The following DCLK3 variants were observed in gnomAD, a reference collection of about 807,000 sequenced individuals.
The protein encoded by DCLK3 is doublecortin like kinase 3, also known as serine/threonine-protein kinase DCLK3.
Under a neutral mutation model 46.4 loss-of-function variants are expected in DCLK3, and 30 were observed. The ratio of observed to expected loss-of-function variants is 0.65; its 90% confidence interval spans 0.48 to 0.88. DCLK3 has a LOEUF of 0.88. DCLK3 is among the 40% of genes least tolerant of loss of function. DCLK3 has a pLI of 0.00. For missense variants in DCLK3, 846 were observed against 907.1 expected (o/e 0.93, Z 0.87); for synonymous variants, 401 against 339.2 (o/e 1.18, Z -2.00).
chr3:36,716,382 C>T (rs184179860), intron 4 of DCLK3, among the ~76,000 whole-genome samples: 51 of 152,348 alleles, frequency 3.3e-4, no homozygotes, highest in South Asian at 2.1e-3. Flanking sequence ...GTCCAGCCAC[C>T]TCCTGAGCAC....
chr3:36,746,385 C>T (rs1041551768), intron 1 of DCLK3, among the ~76,000 whole-genome samples: 1 of 152,190 alleles, frequency 6.6e-6, no homozygotes, highest in Non-Finnish European at 1.5e-5. Flanking sequence ...ATGAGTTTTA[C>T]GTACTGCATC....
chr3:36,734,590 TC>T lies in DCLK3; in HGVS notation c.1959+2617del, dbSNP rs549868493. Among the ~76,000 whole-genome samples the T allele has an allele frequency of 1.3e-4, 20 of 152,150 alleles. 1 individual carries two copies. Among genetic ancestry groups the T allele is most frequent in the Middle Eastern group, 3.4e-3 (1 of 294 alleles). ...ATACACATATATATATGGACTTTCT[TC>T]AAAATCACAAAAAAGAAAGGGTCTA... On this transcript the variant is annotated intron_variant, in intron 2 of 4. Coordinates refer to ENST00000636136, the MANE Select transcript of DCLK3 (RefSeq NM_001394672.2).
chr3:36,760,602 T>G (rs987588604), intron 1 of DCLK3, among the ~76,000 whole-genome samples: 2 of 151,878 alleles, frequency 1.3e-5, no homozygotes, highest in African/African-American at 4.8e-5. Flanking sequence ...GTTGTGCACA[T>G]GTACCCTAAA....
At chr3:36,718,657 C>A (rs987099067) in intron 3 of DCLK3, among the ~76,000 whole-genome samples, 2 of 152,212 alleles carry the variant, frequency 1.3e-5, no homozygotes, top group Non-Finnish European at 2.9e-5. Flanking sequence ...AAACTTGACC[C>A]TTCACTGGAG....
chr3:36,712,525 A>T lies in DCLK3; in HGVS notation c.*2803T>A, dbSNP rs910255507. On this transcript the variant is annotated 3_prime_UTR_variant, in exon 5 of 5. Coordinates refer to ENST00000636136, the MANE Select transcript of DCLK3 (RefSeq NM_001394672.2). ...TTGACATATATACCCCCATAAATCC[A>T]TTATTACATTCAAGAAAATGAACAC... 1 of 152,180 alleles carries T rather than the reference A, an allele frequency of 6.6e-6. No homozygotes were observed. The highest frequency in any genetic ancestry group is 2.4e-5 in the African/African-American group (1 of 41,452). 9.4% of individuals were successfully genotyped at this position (152,180 alleles called of 1,614,324 possible). A position where few individuals can be genotyped will look rare whatever the true frequency, so the allele number is the denominator to read the frequency against.
chr3:36,749,012 C>A (rs1701416810), intron 1 of DCLK3, among the ~76,000 whole-genome samples: 2 of 152,154 alleles, frequency 1.3e-5, no homozygotes, highest in Non-Finnish European at 2.9e-5. Context: ...TCAGTCTCAC[C>A]CTAGGTTTCA....
intron 1 of DCLK3, among the ~76,000 whole-genome samples, chr3:36,743,347 C>T (rs1194145405): frequency 1.3e-5 from 2 of 150,834 alleles, no homozygotes; most frequent in Non-Finnish European, 3.0e-5. Context: ...TAAAAAACCA[C>T]TTTTGGTCCC....
intron 2 of DCLK3, among the ~76,000 whole-genome samples, chr3:36,727,426 A>G (rs1701139248): frequency 1.3e-5 from 2 of 152,228 alleles, no homozygotes; most frequent in African/African-American, 4.8e-5. Flanking sequence ...GGCTCCACTG[A>G]GCTTGTAGCA....
intron 1 of DCLK3, among the ~76,000 whole-genome samples, chr3:36,740,760 G>T (rs113472856): frequency 5.3e-5 from 8 of 152,216 alleles, no homozygotes; most frequent in African/African-American, 1.9e-4. Context: ...AAGTTACCCT[G>T]CAGGACCCAT....
At chr3:36,716,175 C>A (rs1700977961) in intron 4 of DCLK3, among the ~76,000 whole-genome samples, 1 of 152,180 alleles carries the variant, frequency 6.6e-6, no homozygotes, top group Non-Finnish European at 1.5e-5. Context: ...CAGCAGCAGG[C>A]AGAAAGCAGA....
intron 1 of DCLK3, among the ~76,000 whole-genome samples, chr3:36,761,913 T>C (rs1701543808): frequency 6.6e-6 from 1 of 152,176 alleles, no homozygotes; most frequent in Non-Finnish European, 1.5e-5. Context: ...AAGACTGGCT[T>C]GTCCAAAGAA....
intron 2 of DCLK3, among the ~76,000 whole-genome samples, chr3:36,723,138 A>T (rs1012024393): frequency 2.0e-5 from 3 of 152,064 alleles, no homozygotes; most frequent in African/African-American, 7.2e-5. Flanking sequence ...GACAAAGGTG[A>T]CTCTTGCTAC....
Position 36,715,519 on chromosome 3 carries a change from C to A in DCLK3, c.2263G>T (p.Ala755Ser). Residue 755 changes from alanine to serine, a missense_variant and splice_region_variant, in exon 5 of 5, where the codon GCT (alanine) becomes TCT (serine). Physicochemically the swap from Ala to Ser is moderately conservative, Grantham distance 99. This residue lies in a region of DCLK3 where 247 missense variants were observed against 322.8 expected (regional missense o/e 0.77). Transcript: ENST00000636136. ...AGCAACCGGCTCACCAGATCTTTAGCAGCTGTTGGAATGAGAGAAGGGGAA... is the reference window on the plus strand; with the variant it reads ...AGCAACCGGCTCACCAGATCTTTAGAAGCTGTTGGAATGAGAGAAGGGGAA... ...PPYWDNISDA[A>S]KDLVSRLLVV... 6.6e-7 allele frequency: 1 copy of A among 1,523,032 alleles called. No individual in the cohort carries two copies. Among genetic ancestry groups the A allele is most frequent in the Non-Finnish European group, 8.8e-7 (1 of 1,137,638 alleles). 94.3% of individuals were successfully genotyped at this position (1,523,032 alleles called of 1,614,324 possible).
At position 36,764,478 on chromosome 3, in the gene DCLK3, G is replaced by A; in HGVS notation, c.-215C>T. 1 of 164,654 alleles carries A rather than the reference G, an allele frequency of 6.1e-6. No individual in the cohort carries two copies. The highest frequency in any genetic ancestry group is 1.3e-5 in the Non-Finnish European group (1 of 76,430). The allele number at this position is 164,654 out of a possible 1,614,324, so 10.2% of individuals were successfully genotyped here. ...AGCCACCGGGAACGTCTCCGGGGGC[G>A]CGGGACTTAGCAACCGCGCACCAGC... is the stretch of plus-strand genomic sequence containing the variant. On this transcript the variant is annotated 5_prime_UTR_variant, in exon 1 of 5. Coordinates refer to ENST00000636136, the MANE Select transcript of DCLK3 (RefSeq NM_001394672.2). The surrounding 1 kb of genome is among the most constrained non-coding windows in gnomAD (Gnocchi z 4.9).
intron 2 of DCLK3, among the ~76,000 whole-genome samples, chr3:36,731,041 T>G (rs1012633078): frequency 7.9e-5 from 12 of 152,054 alleles, no homozygotes; most frequent in African/African-American, 2.9e-4. Flanking sequence ...GAAATGACCT[T>G]GGCTTTTATT....
At position 36,713,000 on chromosome 3, in the gene DCLK3, C is replaced by A. The variant is rs1165196863; in HGVS notation, c.*2328G>T. ...ACATGTTTAACTTTTAAAGGAACTA[C>A]CAAACCATTCTCCAAAGGAGAAGTC... On this transcript the variant is annotated 3_prime_UTR_variant, in exon 5 of 5. Transcript: ENST00000636136. The A allele has an allele frequency of 6.6e-5, 10 of 152,144 alleles. No homozygotes were observed. In the East Asian group the frequency reaches 1.9e-3, roughly 29 times the overall value. 9.4% of individuals were successfully genotyped at this position (152,144 alleles called of 1,614,324 possible).
chr3:36,716,686 C>A (rs558818355), intron 4 of DCLK3, among the ~76,000 whole-genome samples: 2 of 152,224 alleles, frequency 1.3e-5, no homozygotes, highest in Non-Finnish European at 2.9e-5. Flanking sequence ...TGGATGTGGG[C>A]TTGGGCCATT....
At chr3:36,759,496 A>G (rs185643079) in intron 1 of DCLK3, among the ~76,000 whole-genome samples, 97 of 152,336 alleles carry the variant, frequency 6.4e-4, no homozygotes, top group African/African-American at 2.3e-3. Context: ...ATTGTGTGTG[A>G]GAAGTAACCT....
Position 36,738,276 on chromosome 3 carries a change from C to T in DCLK3, c.891G>A (p.Glu297=). 1 of 1,536,964 alleles carries T rather than the reference C, an allele frequency of 6.5e-7. No individual in the cohort carries two copies. The highest frequency in any genetic ancestry group is 8.7e-7 in the Non-Finnish European group (1 of 1,144,780). ...TAATTTCACCCGAGGTCTTTTCAAT[C>T]TCCACCCCAAGATGCTTCTCTCCCC... is the stretch of plus-strand genomic sequence containing the variant. ...HARGEKHLGV[E]IEKTSGEIIR... Residue 297 remains glutamate, a synonymous_variant, in exon 2 of 5, where the codon GAG becomes GAA. Coordinates refer to ENST00000636136, the MANE Select transcript of DCLK3 (RefSeq NM_001394672.2).
Sources: allele counts gnomAD v4.1 joint callset (sites outside exome capture counted in the v4.1 genomes callset), GRCh38; gene constraint gnomAD v4.1.1; regional missense constraint gnomAD v4.1.1; non-coding constraint Gnocchi (gnomAD v3.1); transcripts MANE v1.5; gene names NCBI Gene and HGNC (gene_info 2026-07-23, HGNC 2026-07-21).